CUX2: variants seen among roughly 807,000 people sequenced by gnomAD.
CUX2 encodes the protein cut like homeobox 2, also known as homeobox protein cut-like 2.
In CUX2, 40 loss-of-function variants were observed where a neutral mutation model predicts 144.8. That is an observed-to-expected ratio of 0.28 (90% CI 0.21 to 0.36). CUX2 has a LOEUF of 0.36. CUX2 is among the 10% of genes least tolerant of loss of function. The pLI is 1.00. For synonymous variants in CUX2, 827 were observed against 875.6 expected (o/e 0.94, Z 0.98); for missense variants, 1,615 against 1,994.0 (o/e 0.81, Z 3.62).
intron 1 of CUX2, among the ~76,000 whole-genome samples, chr12:111,036,370 A>G (rs1869444690): frequency 1.3e-5 from 2 of 152,180 alleles, no homozygotes; most frequent in Non-Finnish European, 2.9e-5. Flanking sequence ...CAGGGGGCTA[A>G]TGTCTGAACT....
chr12:111,070,019 G>T (rs921822203), intron 1 of CUX2, among the ~76,000 whole-genome samples: 2 of 152,158 alleles, frequency 1.3e-5, no homozygotes, highest in African/African-American at 4.8e-5. Context: ...GTCGCTGCAT[G>T]GGGGATGCCG....
At chr12:111,308,554 A>C in intron 14 of CUX2, 28 bp downstream of exon 14, 1 of 1,580,252 alleles carries the variant, frequency 6.3e-7, no homozygotes, top group African/African-American at 1.3e-5. Context: ...TCTGGGGCTG[A>C]GGGCTGGGGC....
intron 1 of CUX2, among the ~76,000 whole-genome samples, chr12:111,107,557 T>C (rs987943703): frequency 1.3e-5 from 2 of 152,262 alleles, no homozygotes; most frequent in African/African-American, 2.4e-5. Flanking sequence ...CTGTTCTTGC[T>C]GGCTCTAGGA....
chr12:111,218,236 G>T (rs959581170), intron 3 of CUX2, among the ~76,000 whole-genome samples: 1 of 152,178 alleles, frequency 6.6e-6, no homozygotes, highest in Admixed American at 6.5e-5. Flanking sequence ...ACCTTGGGGC[G>T]TACACAGTGG....
At chr12:111,117,219 C>T (rs1198809615) in intron 1 of CUX2, among the ~76,000 whole-genome samples, 2 of 152,120 alleles carry the variant, frequency 1.3e-5, no homozygotes, top group Non-Finnish European at 2.9e-5. Flanking sequence ...TAACAAAAGA[C>T]CCCCAAATTT....
intron 1 of CUX2, among the ~76,000 whole-genome samples, chr12:111,130,120 G>A (rs1348302923): frequency 2.0e-5 from 3 of 152,168 alleles, no homozygotes; most frequent in Non-Finnish European, 4.4e-5. Context: ...TTTGTGGGGG[G>A]CTGGGAGAAA....
chr12:111,308,849 C>G (rs548890808), intron 14 of CUX2, among the ~76,000 whole-genome samples: 1 of 152,294 alleles, frequency 6.6e-6, no homozygotes, highest in Non-Finnish European at 1.5e-5. Flanking sequence ...TTACACCCCC[C>G]ACAGCCGACC....
At chr12:111,189,288 CAG>C (rs1879738327) in intron 1 of CUX2, among the ~76,000 whole-genome samples, 1 of 152,078 alleles carries the variant, frequency 6.6e-6, no homozygotes, top group Non-Finnish European at 1.5e-5. Flanking sequence ...AAAAAAGAAA[CAG>C]AACATTCCCT....
chr12:111,231,353 C>T (rs1025195311), intron 3 of CUX2, among the ~76,000 whole-genome samples: 30 of 152,170 alleles, frequency 2.0e-4, no homozygotes, highest in African/African-American at 7.2e-4. Flanking sequence ...CCTCAAGGTT[C>T]ACACATGTGG....
chr12:111,345,777 G>A (rs1265533203), intron 21 of CUX2, among the ~76,000 whole-genome samples: 1 of 150,564 alleles, frequency 6.6e-6, no homozygotes, highest in South Asian at 2.1e-4. Flanking sequence ...AAAAAAAAAG[G>A]CAGAAAATGC....
rs1870565113 is a variant in CUX2 at position 111,057,161 on chromosome 12, G to C, written c.63+22921G>C. Among the ~76,000 whole-genome samples, 1 of 152,070 alleles carries C rather than the reference G, an allele frequency of 6.6e-6. No homozygotes were observed. Among genetic ancestry groups the C allele is most frequent in the African/African-American group, 2.4e-5 (1 of 41,408 alleles). On this transcript the variant is annotated intron_variant, in intron 1 of 21. Transcript: ENST00000261726. The surrounding 1 kb of genome is among the most constrained non-coding windows in gnomAD (Gnocchi z 5.1). ...TGACGGGAGGTTGTGTGACGAGAGT[G>C]AGTATGACAGGAAATGGCCTGAGCT...
chr12:111,273,070 C>A (rs1408637429), intron 4 of CUX2, among the ~76,000 whole-genome samples: 1 of 152,148 alleles, frequency 6.6e-6, no homozygotes, highest in Non-Finnish European at 1.5e-5. Flanking sequence ...CAAGTCCAGG[C>A]CTGCCCTTGG....
chr12:111,204,628 G>A (rs906325181), intron 1 of CUX2, among the ~76,000 whole-genome samples: 2 of 152,164 alleles, frequency 1.3e-5, no homozygotes, highest in African/African-American at 4.8e-5. Flanking sequence ...TGGGACGAGT[G>A]GCTTTGTCTC....
Position 111,202,610 on chromosome 12 carries a change from TGTGCCAAGCATCGG to T in CUX2, c.64-11588_64-11575del, listed in dbSNP as rs1376369007. Among the ~76,000 whole-genome samples the T allele has an allele frequency of 2.4e-4, 36 of 152,286 alleles. No individual in the cohort carries two copies. The Middle Eastern group carries it at 0.01, about 43-fold the overall frequency. On this transcript the variant is annotated intron_variant, in intron 1 of 21. Coordinates refer to ENST00000261726, the MANE Select transcript of CUX2 (RefSeq NM_015267.4). ...AATTCAAAGTATTGAGCACCTAGTG[TGTGCCAAGCATCGG>T]GACACAGCAGTGACCCAAACGGACA...
At chr12:111,330,720 T>TATATATATACACATATAC (rs1565926234) in intron 18 of CUX2, among the ~76,000 whole-genome samples, 1 of 49,872 alleles carries the variant, frequency 2.0e-5, no homozygotes, top group East Asian at 3.5e-4. Context: ...TATATATATA[T>TATATATATACACATATAC]ATATATATAT....
intron 4 of CUX2, among the ~76,000 whole-genome samples, chr12:111,281,211 C>G (rs1342963333): frequency 6.6e-6 from 1 of 152,184 alleles, no homozygotes; most frequent in Non-Finnish European, 1.5e-5. Flanking sequence ...CCACCTGTCC[C>G]CCCCATCTCC....
chr12:111,107,776 C>CT (rs141422932), intron 1 of CUX2, among the ~76,000 whole-genome samples: 45 of 148,468 alleles, frequency 3.0e-4, no homozygotes, highest in Non-Finnish European at 4.6e-4. Flanking sequence ...TTTATTTAAA[C>CT]TTTTTTTTTT....
At chr12:111,240,060 A>G (rs1882949372) in intron 3 of CUX2, among the ~76,000 whole-genome samples, 1 of 152,232 alleles carries the variant, frequency 6.6e-6, no homozygotes. Flanking sequence ...TCCTTCATTT[A>G]GTCCTCAGCA....
chr12:111,285,085 C>T (rs1160869035), intron 4 of CUX2, among the ~76,000 whole-genome samples: 1 of 152,172 alleles, frequency 6.6e-6, no homozygotes, highest in Non-Finnish European at 1.5e-5. Flanking sequence ...ATTCAGTCCT[C>T]AGTCTCTTTA....
Sources: allele counts gnomAD v4.1 joint callset (sites outside exome capture counted in the v4.1 genomes callset), GRCh38; gene constraint gnomAD v4.1.1; non-coding constraint Gnocchi (gnomAD v3.1); transcripts MANE v1.5; gene names NCBI Gene and HGNC (gene_info 2026-07-23, HGNC 2026-07-21).